PCMTD1: variants seen among roughly 807,000 people sequenced by gnomAD.
The protein encoded by PCMTD1 is protein-L-isoaspartate (D-aspartate) O-methyltransferase domain containing 1, also known as protein-L-isoaspartate O-methyltransferase domain-containing protein 1.
A neutral mutation model predicts 37.6 loss-of-function variants in PCMTD1; 12 were observed. The ratio of observed to expected loss-of-function variants is 0.32; its 90% CI spans 0.20 to 0.52. PCMTD1 has a LOEUF of 0.52. Among genes scored for constraint, PCMTD1 ranks in the 20% least tolerant of loss-of-function variants. The probability of loss-of-function intolerance (pLI) is 0.97; values close to 1 mark genes in which losing one functional copy is unlikely to be tolerated. For synonymous variants in PCMTD1, 117 were observed against 135.8 expected, an observed-to-expected ratio of 0.86 and a Z score of 0.96; for missense variants, 235 against 421.3, an observed-to-expected ratio of 0.56 and a Z score of 3.87.
At chr8:51,827,881 C>CA (rs750435483) in intron 5 of PCMTD1, among the ~76,000 whole-genome samples, 4 of 152,098 alleles carry the variant, frequency 2.6e-5, no homozygotes, top group Non-Finnish European at 5.9e-5. Flanking sequence ...TTCACAGTTA[C>CA]AAATGTCATT....
chr8:51,876,493 T>A (rs1187102575), intron 1 of PCMTD1, among the ~76,000 whole-genome samples: 1 of 152,210 alleles, frequency 6.6e-6, no homozygotes, highest in African/African-American at 2.4e-5. Flanking sequence ...AACCCACCAG[T>A]AACCATAAGA....
chr8:51,879,758 T>C (rs1312216587), intron 1 of PCMTD1, among the ~76,000 whole-genome samples: 26 of 152,220 alleles, frequency 1.7e-4, no homozygotes, highest in Admixed American at 1.7e-3. Flanking sequence ...ATGTATTCTA[T>C]CTGGCAAAGC....
chr8:51,869,680 TGAGA>T (rs1183562715), intron 1 of PCMTD1, among the ~76,000 whole-genome samples: 10 of 151,956 alleles, frequency 6.6e-5, no homozygotes, highest in Non-Finnish European at 5.9e-5. Flanking sequence ...ATAAGGAATT[TGAGA>T]GAAAGACGAA....
intron 3 of PCMTD1, among the ~76,000 whole-genome samples, chr8:51,836,985 A>T (rs1017613206): frequency 1.3e-5 from 2 of 152,228 alleles, no homozygotes; most frequent in Non-Finnish European, 1.5e-5. Context: ...CAGGCCAAAA[A>T]AGGAAAAACA....
intron 3 of PCMTD1, among the ~76,000 whole-genome samples, chr8:51,837,064 G>C (rs562966519): frequency 4.6e-4 from 70 of 152,156 alleles, no homozygotes; most frequent in African/African-American, 1.6e-3. Context: ...TCTTGGGCCA[G>C]GGGGGCCTTT....
chr8:51,841,576 T>C (rs1439119702), intron 3 of PCMTD1, among the ~76,000 whole-genome samples: 1 of 152,222 alleles, frequency 6.6e-6, no homozygotes, highest in Admixed American at 6.5e-5. Flanking sequence ...TGTGTGGCTA[T>C]AAATAAATGC....
intron 5 of PCMTD1, among the ~76,000 whole-genome samples, chr8:51,821,016 A>C (rs2037840195): frequency 6.6e-6 from 1 of 152,214 alleles, no homozygotes; most frequent in Non-Finnish European, 1.5e-5. Flanking sequence ...ATGACTGTGA[A>C]GTAATTAGGA....
chr8:51,879,140 A>G (rs994718797), intron 1 of PCMTD1, among the ~76,000 whole-genome samples: 1 of 152,092 alleles, frequency 6.6e-6, no homozygotes, highest in African/African-American at 2.4e-5. Flanking sequence ...AAGAAAAAAG[A>G]AAAAAAGCAA....
rs1385760418 is a variant in PCMTD1, at chr8:51,889,058, A to C, written c.-96+9872T>G. On this transcript the variant is annotated intron_variant, in intron 1 of 5. Coordinates refer to ENST00000522514, the MANE Select transcript of PCMTD1 (RefSeq NM_052937.4). ...AGTGTGACTCCAAAGTCTGTCCCTG[A>C]CTATATAGGACACATTCTCCTTGCT... Among the ~76,000 whole-genome samples the C allele has an allele frequency of 2.6e-5, 4 of 152,258 alleles. No homozygotes were observed. The East Asian group carries it at 7.7e-4, about 29-fold the overall frequency.
At position 51,854,896 on chromosome 8, in the gene PCMTD1, T is replaced by C. The variant is rs1350835445; in HGVS notation, c.307+5949A>G. The stretch of plus-strand genomic sequence containing the variant: ...CTTGTCTCAAAAAAAAAAAAAAGGC[T>C]AGGCGTGGTGGCTCACGCCTGTAAT... On this transcript the variant is annotated intron_variant, in intron 2 of 5. Transcript: ENST00000522514. 2.8e-5 allele frequency among the ~76,000 whole-genome samples: 4 copies of C among 143,012 alleles called. No individual in the cohort carries two copies. In the East Asian group the frequency reaches 8.4e-4, roughly 30 times the overall value. The allele number at this position is 143,012 out of a possible 152,430, so 93.8% of individuals were successfully genotyped here.
At chr8:51,886,756 T>C (rs1046171529) in intron 1 of PCMTD1, among the ~76,000 whole-genome samples, 2 of 152,204 alleles carry the variant, frequency 1.3e-5, no homozygotes, top group African/African-American at 4.8e-5. Context: ...TAGTTTTCTA[T>C]CACTGTCATA....
At chr8:51,866,634 C>A (rs1372773365) in intron 1 of PCMTD1, among the ~76,000 whole-genome samples, 1 of 151,748 alleles carries the variant, frequency 6.6e-6, no homozygotes, top group Non-Finnish European at 1.5e-5. Flanking sequence ...CAACTCAAAA[C>A]AGATTAAAGA....
intron 5 of PCMTD1, among the ~76,000 whole-genome samples, chr8:51,824,114 G>A (rs552653603): frequency 6.6e-6 from 1 of 152,276 alleles, no homozygotes; most frequent in African/African-American, 2.4e-5. Flanking sequence ...AAAACTGGAA[G>A]CATTCCCTTT....
chr8:51,876,809 A>G (rs1464048097), intron 1 of PCMTD1, among the ~76,000 whole-genome samples: 2 of 152,250 alleles, frequency 1.3e-5, no homozygotes, highest in African/African-American at 4.8e-5. Context: ...GAATGAACAA[A>G]TAAGTTGGGG....
intron 5 of PCMTD1, among the ~76,000 whole-genome samples, chr8:51,828,126 T>C (rs1301436496): frequency 1.3e-5 from 2 of 152,186 alleles, no homozygotes; most frequent in Non-Finnish European, 2.9e-5. Context: ...AGTTACAAAG[T>C]AAAATAGATA....
intron 1 of PCMTD1, among the ~76,000 whole-genome samples, chr8:51,865,676 T>C (rs1002563423): frequency 2.0e-5 from 3 of 152,018 alleles, no homozygotes; most frequent in Non-Finnish European, 4.4e-5. Context: ...GGAAGATACC[T>C]CAACATAATA....
rs902386923 is a variant in PCMTD1 at position 51,818,026 on chromosome 8, T to G, written c.*2325A>C. 1 of 443,018 alleles carries G rather than the reference T, an allele frequency of 2.3e-6. No homozygotes were observed. Among genetic ancestry groups the G allele is most frequent in the South Asian group, 1.6e-5 (1 of 62,160 alleles). 27.4% of individuals were successfully genotyped at this position (443,018 alleles called of 1,614,324 possible). A position where few individuals can be genotyped will look rare whatever the true frequency, so the allele number is the denominator to read the frequency against. ...ATCATTTTCACTTACTTTTACTTAA[T>G]CTTTATTTGCTACTTTTCCACCTAT... On this transcript the variant is annotated 3_prime_UTR_variant, in exon 6 of 6. Transcript: ENST00000522514.
At chr8:51,862,342 CAT>C (rs2038484367) in intron 1 of PCMTD1, among the ~76,000 whole-genome samples, 2 of 127,380 alleles carry the variant, frequency 1.6e-5, no homozygotes, top group South Asian at 2.9e-4. Flanking sequence ...AGCACTAGAA[CAT>C]GTTTTATACA....
chr8:51,821,172 C>T (rs1156597466), intron 5 of PCMTD1, among the ~76,000 whole-genome samples: 1 of 152,216 alleles, frequency 6.6e-6, no homozygotes. Flanking sequence ...AACAAGGTCT[C>T]ACTACAGCCC....
Sources: allele counts gnomAD v4.1 joint callset (sites outside exome capture counted in the v4.1 genomes callset), GRCh38; gene constraint gnomAD v4.1.1; transcripts MANE v1.5; gene names NCBI Gene and HGNC (gene_info 2026-07-23, HGNC 2026-07-21).